CFAP92: variants seen among roughly 807,000 people sequenced by gnomAD.
The protein encoded by CFAP92 is cilia and flagella associated protein 92 (putative).
Under a neutral mutation model 106.3 loss-of-function variants are expected in CFAP92, and 86 were observed. That is an observed-to-expected ratio of 0.81 (90% CI 0.68 to 0.97). The LOEUF is 0.97. Among genes scored for constraint, CFAP92 ranks in the 50% least tolerant of loss-of-function variants. The pLI, the probability that CFAP92 is intolerant of heterozygous loss-of-function variation, is 0.00. For missense variants in CFAP92, 1,204 were observed against 1,283.8 expected (o/e 0.94, Z 0.95); for synonymous variants, 477 against 506.4 (o/e 0.94, Z 0.78).
At chr3:128,990,357 C>T (rs1035843715) in intron 2 of CFAP92, among the ~76,000 whole-genome samples, 1 of 152,140 alleles carries the variant, frequency 6.6e-6, no homozygotes, top group Admixed American at 6.5e-5. Context: ...ATTAGCTGGG[C>T]ATGGTGGCAT....
At chr3:128,940,621 CAT>C (rs1417148364) in intron 10 of CFAP92, among the ~76,000 whole-genome samples, 7 of 152,196 alleles carry the variant, frequency 4.6e-5, no homozygotes, top group Non-Finnish European at 8.8e-5. Flanking sequence ...TGCAATATCA[CAT>C]ATGTCATATG....
At chr3:129,003,775 T>C, upstream of CFAP92, 1 of 1,417,510 alleles carries the variant, frequency 7.1e-7, no homozygotes, top group Non-Finnish European at 9.2e-7. Context: ...CCCCTGCCCC[T>C]GCTGCCCTGT....
intron 9 of CFAP92, among the ~76,000 whole-genome samples, chr3:128,961,943 G>A (rs973143397): frequency 5.9e-5 from 9 of 152,158 alleles, no homozygotes; most frequent in Non-Finnish European, 8.8e-5. Context: ...GCAGTGGCCA[G>A]GTGTTCCTCC....
At chr3:128,961,971 G>A (rs1469982115) in intron 9 of CFAP92, among the ~76,000 whole-genome samples, 14 of 151,964 alleles carry the variant, frequency 9.2e-5, no homozygotes, top group Non-Finnish European at 1.2e-4. Flanking sequence ...CCTCCCCCAG[G>A]AGCTTGCTAC....
At chr3:128,964,775 C>T (rs1490594001) in intron 9 of CFAP92, among the ~76,000 whole-genome samples, 1 of 152,020 alleles carries the variant, frequency 6.6e-6, no homozygotes, top group Non-Finnish European at 1.5e-5. Flanking sequence ...CACCCCTTAC[C>T]ACAAGACCTC....
chr3:128,979,947 A>AATATATATATATATATATAT, intron 4 of CFAP92, among the ~76,000 whole-genome samples: 1 of 128,300 alleles, frequency 7.8e-6, no homozygotes, highest in African/African-American at 3.0e-5. Context: ...AAAGTATAAT[A>AATATATATATATATATATAT]ATATATATAT....
At chr3:128,912,298 G>C (rs896242232) in intron 15 of CFAP92, among the ~76,000 whole-genome samples, 2 of 152,192 alleles carry the variant, frequency 1.3e-5, no homozygotes, top group African/African-American at 4.8e-5. Flanking sequence ...AGATGAGCAG[G>C]ATGAGTCCTT....
At chr3:128,931,527 G>T (rs201998086) in intron 12 of CFAP92, among the ~76,000 whole-genome samples, 1 of 117,502 alleles carries the variant, frequency 8.5e-6, no homozygotes. Flanking sequence ...GTATGTATGT[G>T]TATATATATA....
intron 15 of CFAP92, chr3:128,910,950 G>A: frequency 9.4e-7 from 1 of 1,068,748 alleles, no homozygotes; most frequent in Non-Finnish European, 1.4e-6. Context: ...GAGGGCCTGG[G>A]TAGGCCTGGG....
intron 9 of CFAP92, among the ~76,000 whole-genome samples, chr3:128,953,679 T>C (rs1386577083): frequency 1.6e-5 from 2 of 126,936 alleles, no homozygotes; most frequent in Admixed American, 7.7e-5. Context: ...GAAGCTGGAC[T>C]GTACTGCTGC....
At chr3:128,956,751 G>A (rs1387154262) in intron 9 of CFAP92, among the ~76,000 whole-genome samples, 1 of 151,786 alleles carries the variant, frequency 6.6e-6, no homozygotes, top group African/African-American at 2.4e-5. Flanking sequence ...AGGCCGAGGT[G>A]CGTGCATCAC....
intron 12 of CFAP92, among the ~76,000 whole-genome samples, chr3:128,920,154 A>G (rs1409536515): frequency 2.6e-5 from 4 of 152,254 alleles, no homozygotes; most frequent in African/African-American, 9.6e-5. Context: ...CTGTAATCAC[A>G]GCACTTTGGG....
chr3:128,953,238 G>A (rs991995018), intron 9 of CFAP92, among the ~76,000 whole-genome samples: 8 of 152,122 alleles, frequency 5.3e-5, no homozygotes, highest in Non-Finnish European at 8.8e-5. Flanking sequence ...AATCTGGGCC[G>A]GGCGCGGTGG....
At position 128,978,038 on chromosome 3, in the gene CFAP92, C is replaced by T. The variant is rs567242416; in HGVS notation, c.808+7G>A. 4.3e-6 allele frequency: 7 copies of T among 1,613,836 alleles called. No homozygotes were observed. Among genetic ancestry groups the T allele is most frequent in the African/African-American group, 4.0e-5 (3 of 75,018 alleles). On this transcript the variant is annotated splice_region_variant and intron_variant, in intron 5 of 15. Transcript: ENST00000645291. ...TCAGCTTGTCCACAAAGGCCTTCTC[C>T]GCTCACCTTGCAAAGACTTTGGGTG...
At chr3:128,922,328 G>A (rs1224738371) in intron 12 of CFAP92, among the ~76,000 whole-genome samples, 1 of 150,626 alleles carries the variant, frequency 6.6e-6, no homozygotes, top group African/African-American at 2.5e-5. Context: ...GGGCAATAGA[G>A]CAAGGCTCCA....
intron 8 of CFAP92, chr3:128,966,604 T>C (rs1441011118): frequency 1.3e-5 from 2 of 149,830 alleles, no homozygotes; most frequent in Non-Finnish European, 2.9e-5. Context: ...AGAGTCTTGC[T>C]CTGCTGCCCA....
At chr3:128,986,918 C>T (rs548829172) in intron 4 of CFAP92, among the ~76,000 whole-genome samples, 7 of 152,270 alleles carry the variant, frequency 4.6e-5, no homozygotes, top group East Asian at 3.9e-4. Flanking sequence ...CCCAGTACTT[C>T]GAGAGGCCAA....
chr3:129,009,138 T>A, the CFAP92 span, among the ~76,000 whole-genome samples: 1 of 152,204 alleles, frequency 6.6e-6, no homozygotes, highest in South Asian at 2.1e-4. Context: ...TTCTCCCAAC[T>A]TAGTTCCAAC....
upstream of CFAP92, among the ~76,000 whole-genome samples, chr3:128,996,111 G>GGAATCACA: frequency 6.6e-6 from 1 of 152,190 alleles, no homozygotes; most frequent in Admixed American, 6.5e-5. Flanking sequence ...CTAGCATGTT[G>GGAATCACA]TGAGGAAGCC....
Sources: allele counts gnomAD v4.1 joint callset (sites outside exome capture counted in the v4.1 genomes callset), GRCh38; gene constraint gnomAD v4.1.1; transcripts MANE v1.5; gene names NCBI Gene and HGNC (gene_info 2026-07-23, HGNC 2026-07-21).